Variants in SLC16A10 observed in about 807,000 individuals in gnomAD.
SLC16A10 encodes the protein solute carrier family 16 member 10.
In SLC16A10, 27 loss-of-function variants were observed where a neutral mutation model predicts 40.0. The observed-to-expected ratio is 0.67, with a 90% CI of 0.50 to 0.93. SLC16A10 has a LOEUF of 0.93. SLC16A10 is among the 40% of genes least tolerant of loss of function. The probability of loss-of-function intolerance (pLI) is 0.00; values close to 1 mark genes in which losing one functional copy is unlikely to be tolerated. For missense variants in SLC16A10, 529 were observed against 658.2 expected (o/e 0.80, Z 2.15); for synonymous variants, 213 against 249.8 (o/e 0.85, Z 1.39).
At chr6:111,177,071 A>AT (rs773411509) in intron 2 of SLC16A10, 141 bp from the exon 3 acceptor site, 31,211 of 398,950 alleles carry the variant, frequency 0.078, 692 homozygotes, top group African/African-American at 0.2. Flanking sequence ...ATTTTGGTTA[A>AT]TTTTTTTTTT....
At chr6:111,220,824 A>G (rs1770875549) in intron 5 of SLC16A10, among the ~76,000 whole-genome samples, 1 of 152,248 alleles carries the variant, frequency 6.6e-6, no homozygotes, top group Non-Finnish European at 1.5e-5. Flanking sequence ...GGAAACTTCT[A>G]AAGCAGGCAG....
intron 3 of SLC16A10, among the ~76,000 whole-genome samples, chr6:111,199,125 T>C (rs1465274644): frequency 6.6e-6 from 1 of 152,146 alleles, no homozygotes; most frequent in Non-Finnish European, 1.5e-5. Flanking sequence ...GTAAGTCTGG[T>C]GTGCCAAGAA....
intron 1 of SLC16A10, among the ~76,000 whole-genome samples, chr6:111,114,099 T>A (rs892190713): frequency 1.3e-5 from 2 of 152,256 alleles, no homozygotes; most frequent in African/African-American, 4.8e-5. Context: ...CTCTTTTTTT[T>A]GTATTTCCAT....
chr6:111,222,180 C>T lies in SLC16A10; in HGVS notation c.1493C>T (p.Ser498Phe). Reference protein sequence around the residue: ...KMEKMLENQNSLLSSSSGMFK... With the variant: ...KMEKMLENQNFLLSSSSGMFK... ...GAGAAAATGTTGGAAAACCAGAACT[C>T]TCTGCTGTCAAGTTCATCTGGAATG... The change falls in exon 6 of 6, where the codon TCT becomes TTT. Residue 498 changes from serine (S) to phenylalanine (F), a missense_variant. Transcript: ENST00000368851. 2.5e-6 allele frequency: 4 copies of T among 1,607,188 alleles called. No individual in the cohort carries two copies. The highest frequency in any genetic ancestry group is 3.4e-6 in the Non-Finnish European group (4 of 1,178,008).
intron 1 of SLC16A10, among the ~76,000 whole-genome samples, chr6:111,103,125 C>T (rs1246717617): frequency 6.6e-6 from 1 of 152,008 alleles, no homozygotes; most frequent in African/African-American, 2.4e-5. Context: ...AGGCTGGTCT[C>T]AAACTCCTGG....
At chr6:111,188,208 G>C (rs945641698) in intron 3 of SLC16A10, among the ~76,000 whole-genome samples, 2 of 151,938 alleles carry the variant, frequency 1.3e-5, no homozygotes, top group Non-Finnish European at 1.5e-5. Context: ...TTTTAGCCTA[G>C]AGTCTTAAAT....
intron 3 of SLC16A10, among the ~76,000 whole-genome samples, chr6:111,179,835 T>TAGAGGAAAGATC (rs1432986847): frequency 1.3e-5 from 2 of 152,252 alleles, no homozygotes; most frequent in African/African-American, 4.8e-5. Flanking sequence ...TGCAGCACGG[T>TAGAGGAAAGATC]AGAGGAAAGA....
intron 1 of SLC16A10, among the ~76,000 whole-genome samples, chr6:111,155,865 A>G (rs1772261280): frequency 6.6e-6 from 1 of 152,208 alleles, no homozygotes; most frequent in Non-Finnish European, 1.5e-5. Flanking sequence ...CTGTTGCAAC[A>G]AAAACACCTA....
intron 1 of SLC16A10, among the ~76,000 whole-genome samples, chr6:111,167,984 CTTT>C (rs112355106): frequency 7.0e-6 from 1 of 143,502 alleles, no homozygotes; most frequent in African/African-American, 2.5e-5. Context: ...CTAGTTTGCA[CTTT>C]TTTTTTTTTT....
chr6:111,112,367 T>C (rs1040567390), intron 1 of SLC16A10, among the ~76,000 whole-genome samples: 19 of 152,204 alleles, frequency 1.2e-4, no homozygotes, highest in African/African-American at 4.6e-4. Context: ...AGCTTAATTT[T>C]GGCAAGTGCT....
intron 1 of SLC16A10, among the ~76,000 whole-genome samples, chr6:111,168,014 C>G (rs1772510144): frequency 6.6e-6 from 1 of 150,912 alleles, no homozygotes; most frequent in Admixed American, 6.6e-5. Context: ...GAGTCTTACT[C>G]TCTTGCCCAG....
At chr6:111,185,371 T>C (rs1583350445) in intron 3 of SLC16A10, among the ~76,000 whole-genome samples, 2 of 152,358 alleles carry the variant, frequency 1.3e-5, no homozygotes, top group East Asian at 3.9e-4. Context: ...CTTTGCACGT[T>C]TCCCTTCTGT....
chr6:111,155,506 A>G (rs974861908), intron 1 of SLC16A10, among the ~76,000 whole-genome samples: 4 of 152,128 alleles, frequency 2.6e-5, no homozygotes, highest in Non-Finnish European at 5.9e-5. Context: ...GGCCCAAAAA[A>G]CATAATAATG....
At chr6:111,110,527 A>G (rs1490473076) in intron 1 of SLC16A10, among the ~76,000 whole-genome samples, 1 of 152,130 alleles carries the variant, frequency 6.6e-6, no homozygotes, top group Non-Finnish European at 1.5e-5. Context: ...ATTCAGAACC[A>G]GGAGAGAAGA....
chr6:111,198,161 C>A (rs1370000441), intron 3 of SLC16A10, among the ~76,000 whole-genome samples: 1 of 152,132 alleles, frequency 6.6e-6, no homozygotes, highest in African/African-American at 2.4e-5. Flanking sequence ...GTGGCACACA[C>A]CTGTAATCTC....
At chr6:111,207,537 G>A (rs1255959771) in intron 4 of SLC16A10, among the ~76,000 whole-genome samples, 1 of 152,196 alleles carries the variant, frequency 6.6e-6, no homozygotes, top group Non-Finnish European at 1.5e-5. Flanking sequence ...CATGGTCTGT[G>A]CCCTCACCTA....
intron 1 of SLC16A10, among the ~76,000 whole-genome samples, chr6:111,131,309 T>C (rs1232360427): frequency 2.0e-5 from 3 of 152,212 alleles, no homozygotes; most frequent in Non-Finnish European, 4.4e-5. Flanking sequence ...CCTGGGTTCA[T>C]GCTAATTGAG....
intron 1 of SLC16A10, among the ~76,000 whole-genome samples, chr6:111,096,314 A>C (rs1017742318): frequency 2.0e-5 from 3 of 152,248 alleles, no homozygotes; most frequent in Non-Finnish European, 4.4e-5. Context: ...TATTCAAATT[A>C]AACAAGCAAA....
chr6:111,216,706 C>T (rs1295079078), intron 4 of SLC16A10, among the ~76,000 whole-genome samples: 3 of 151,994 alleles, frequency 2.0e-5, no homozygotes, highest in African/African-American at 7.3e-5. Flanking sequence ...TGAGCCACCG[C>T]GCCCAGCCGG....
Sources: gnomAD v4.1 joint callset for allele counts (sites outside exome capture counted in the v4.1 genomes callset) on GRCh38, gnomAD v4.1.1 for gene constraint, MANE v1.5 for transcripts, NCBI Gene and HGNC (gene_info 2026-07-23, HGNC 2026-07-21) for gene names.